The following CDC42BPB variants were observed in gnomAD, a reference collection of about 807,000 sequenced individuals.
CDC42BPB encodes serine/threonine-protein kinase MRCK beta.
Under a neutral mutation model 214.9 loss-of-function variants are expected in CDC42BPB, and 37 were observed. The observed-to-expected ratio is 0.17, with a 90% CI of 0.13 to 0.23. The LOEUF is 0.23. CDC42BPB is among the 10% of genes least tolerant of loss of function. The probability of loss-of-function intolerance (pLI) is 1.00; values close to 1 mark genes in which losing one functional copy is unlikely to be tolerated. For synonymous variants in CDC42BPB, 931 were observed against 884.0 expected, an observed-to-expected ratio of 1.05 and a Z score of -0.94; for missense variants, 1,694 against 2,227.0, an observed-to-expected ratio of 0.76 and a Z score of 4.82.
At chr14:102,991,548 G>A (rs1894488518) in intron 5 of CDC42BPB, among the ~76,000 whole-genome samples, 1 of 152,154 alleles carries the variant, frequency 6.6e-6, no homozygotes. Flanking sequence ...GAGTAAAGAG[G>A]GTATGATTAA....
In CDC42BPB at chr14:103,057,216, C is replaced by T. The variant is rs1157421015; in HGVS notation, c.-43G>A. The stretch of plus-strand genomic sequence containing the variant: ...TCCCGACGCGCCGGCCTCTCACCGC[C>T]GGCTCGGCCAGTCCGTCAGGGCGCG... On this transcript the variant is annotated 5_prime_UTR_variant, in exon 1 of 37. Coordinates refer to ENST00000361246, the MANE Select transcript of CDC42BPB (RefSeq NM_006035.4). 3.7e-5 allele frequency: 48 copies of T among 1,298,110 alleles called. No individual in the cohort carries two copies. The highest frequency in any genetic ancestry group is 4.3e-5 in the Non-Finnish European group (44 of 1,018,948). 80.4% of individuals were successfully genotyped at this position (1,298,110 alleles called of 1,614,324 possible).
intron 20 of CDC42BPB, 128 bp from the exon 21 acceptor site, chr14:102,959,838 TAAAAAAAAAAA>T (rs35833302): frequency 9.7e-6 from 7 of 718,878 alleles, no homozygotes; most frequent in Admixed American, 2.0e-4. Flanking sequence ...TGATCACAAT[TAAAAAAAAAAA>T]AAAAAAAAAA....
chr14:102,937,994 G>C lies in CDC42BPB; in HGVS notation c.5004+110C>G. ...CCCCCGTCACCCTCACACCGCAAGT[G>C]GGGTGCTCCAAAAGGGCTGTGACAC... On this transcript the variant is annotated intron_variant, in intron 36 of 36. Coordinates refer to ENST00000361246, the MANE Select transcript of CDC42BPB (RefSeq NM_006035.4). 3 of 1,128,538 alleles carry C rather than the reference G, an allele frequency of 2.7e-6. 1 individual carries two copies. In the South Asian group the frequency reaches 3.7e-5, roughly 14 times the overall value. 69.9% of individuals were successfully genotyped at this position (1,128,538 alleles called of 1,614,324 possible).
At chr14:102,973,944 C>T (rs1170445096) in intron 12 of CDC42BPB, 72 bp downstream of exon 12, 8 of 1,507,218 alleles carry the variant, frequency 5.3e-6, no homozygotes, top group East Asian at 4.6e-5. Context: ...CTTCCATCAT[C>T]GGCATGAACG....
chr14:102,992,044 G>A (rs866653987), intron 5 of CDC42BPB, among the ~76,000 whole-genome samples: 10 of 152,272 alleles, frequency 6.6e-5, no homozygotes, highest in Admixed American at 2.6e-4. Flanking sequence ...TGGGGCTACC[G>A]TATTGAGCAG....
At chr14:102,979,508 G>A (rs1313228221) in intron 8 of CDC42BPB, among the ~76,000 whole-genome samples, 1 of 152,034 alleles carries the variant, frequency 6.6e-6, no homozygotes, top group Non-Finnish European at 1.5e-5. Context: ...CGCCGCACCC[G>A]GCCCAGATTT....
intron 1 of CDC42BPB, among the ~76,000 whole-genome samples, chr14:103,038,103 G>A (rs779808312): frequency 6.6e-6 from 1 of 151,792 alleles, no homozygotes; most frequent in Non-Finnish European, 1.5e-5. Context: ...TTGGGAGGCC[G>A]AGGTGGGTGG....
In CDC42BPB at chr14:103,005,797, G is replaced by A. The variant is rs369743374; in HGVS notation, c.352-1774C>T. Among the ~76,000 whole-genome samples, 48 of 152,210 alleles carry A rather than the reference G, an allele frequency of 3.2e-4. No homozygotes were observed. In the South Asian group the frequency reaches 3.9e-3, roughly 13 times the overall value. On this transcript the variant is annotated intron_variant, in intron 3 of 36. Transcript: ENST00000361246. ...AGCACTTTGGGAGGCTGAGGCAGAC[G>A]GATCGCGAGGTCAGGAGTTCAAGAC...
intron 1 of CDC42BPB, among the ~76,000 whole-genome samples, chr14:103,046,010 G>C (rs1888263105): frequency 6.6e-6 from 1 of 152,198 alleles, no homozygotes; most frequent in African/African-American, 2.4e-5. Context: ...ATCTAACTCA[G>C]CAAAGCCAGA....
chr14:102,935,853 C>T (rs1434563377), intron 36 of CDC42BPB, among the ~76,000 whole-genome samples: 1 of 151,664 alleles, frequency 6.6e-6, no homozygotes, highest in African/African-American at 2.4e-5. Context: ...CACATCACAT[C>T]TCTCACAAGA....
intron 2 of CDC42BPB, among the ~76,000 whole-genome samples, chr14:103,008,968 G>A (rs1419043378): frequency 6.6e-6 from 1 of 152,228 alleles, no homozygotes; most frequent in African/African-American, 2.4e-5. Flanking sequence ...ACCTCCTTCA[G>A]GAAGTCCTCT....
At chr14:102,974,443 A>G (rs1893644567) in intron 11 of CDC42BPB, 4 of 834,672 alleles carry the variant, frequency 4.8e-6, no homozygotes, top group Non-Finnish European at 5.8e-6. Flanking sequence ...TCGTCTGCTC[A>G]GTCCCTCTAA....
intron 36 of CDC42BPB, among the ~76,000 whole-genome samples, chr14:102,934,738 G>A (rs557178330): frequency 1.3e-5 from 2 of 152,120 alleles, no homozygotes; most frequent in Admixed American, 6.5e-5. Flanking sequence ...CGGGCCGGGT[G>A]CGGTGGCTCA....
At chr14:103,044,185 C>G (rs901331099) in intron 1 of CDC42BPB, among the ~76,000 whole-genome samples, 1 of 152,242 alleles carries the variant, frequency 6.6e-6, no homozygotes, top group East Asian at 1.9e-4. Flanking sequence ...TCAAATACTT[C>G]GGGTTAGAAA....
At chr14:102,941,501 A>G (rs1483420676) in intron 30 of CDC42BPB, 1 of 985,346 alleles carries the variant, frequency 1.0e-6, no homozygotes, top group African/African-American at 1.7e-5. Flanking sequence ...TGCACCTGTG[A>G]GGCCTCTGAG....
intron 9 of CDC42BPB, 68 bp from the exon 10 acceptor site, chr14:102,976,117 C>T (rs923755059): frequency 6.0e-5 from 95 of 1,579,222 alleles, no homozygotes; most frequent in Middle Eastern, 1.7e-4. Flanking sequence ...CATTTTCAAT[C>T]TTCCTGAGGT....
chr14:103,027,679 AC>A (rs1887128877), intron 1 of CDC42BPB, among the ~76,000 whole-genome samples: 1 of 152,246 alleles, frequency 6.6e-6, no homozygotes, highest in Admixed American at 6.5e-5. Context: ...ATCCATAGAG[AC>A]AAAAAGTATA....
At chr14:103,010,370 C>T (rs1225624006) in intron 2 of CDC42BPB, among the ~76,000 whole-genome samples, 2 of 152,174 alleles carry the variant, frequency 1.3e-5, no homozygotes, top group Non-Finnish European at 2.9e-5. Flanking sequence ...AGGGTCTGTA[C>T]TGAGATAAAC....
rs1173759814 is a variant in CDC42BPB at position 102,943,069 on chromosome 14, C to T, written c.4408+822G>A. On this transcript the variant is annotated intron_variant, in intron 30 of 36. Coordinates refer to ENST00000361246, the MANE Select transcript of CDC42BPB (RefSeq NM_006035.4). This position sits in a 1 kb window ranked among gnomAD's most constrained non-coding sequence, Gnocchi z 4.6. ...TGTATTTTTAGTAGAGATGGGGTTT[C>T]ACCCTATTAGCCAGGATGGTCTCGA... is the stretch of plus-strand genomic sequence containing the variant. Among the ~76,000 whole-genome samples, 1 of 152,166 alleles carries T rather than the reference C, an allele frequency of 6.6e-6. No individual in the cohort carries two copies. The highest frequency in any genetic ancestry group is 1.5e-5 in the Non-Finnish European group (1 of 68,026).
Sources: gnomAD v4.1 joint callset for allele counts (sites outside exome capture counted in the v4.1 genomes callset) on GRCh38, gnomAD v4.1.1 for gene constraint, Gnocchi (gnomAD v3.1) non-coding constraint, MANE v1.5 for transcripts, NCBI Gene and HGNC (gene_info 2026-07-23, HGNC 2026-07-21) for gene names.